The following KLRG1 variants were observed in gnomAD, a reference collection of about 807,000 sequenced individuals.
KLRG1 encodes killer cell lectin like receptor G1, also known as killer cell lectin-like receptor subfamily G member 1.
KLRG1 carries 16 observed loss-of-function variants against 21.8 expected under a neutral mutation model. That is an observed-to-expected ratio of 0.73 (90% CI 0.50 to 1.11). KLRG1 has a LOEUF of 1.11. Among genes scored for constraint, KLRG1 ranks in the 50% most tolerant of loss-of-function variants. KLRG1 has a pLI of 0.00. For synonymous variants in KLRG1, 69 were observed against 75.9 expected (o/e 0.91, Z 0.47); for missense variants, 173 against 218.3 (o/e 0.79, Z 1.31).
the KLRG1 span, chr12:9,090,293 A>G: frequency 1.2e-6 from 2 of 1,608,884 alleles, no homozygotes; most frequent in Non-Finnish European, 1.7e-6. Flanking sequence ...CACTCAATAT[A>G]AGGTTCCCAC....
At chr12:9,155,462 T>G in the KLRG1 span, among the ~76,000 whole-genome samples, 1 of 151,542 alleles carries the variant, frequency 6.6e-6, no homozygotes, top group African/African-American at 2.4e-5. Context: ...ATTAAAACTT[T>G]TGATTCTTGT....
At chr12:9,193,276 G>T in the KLRG1 span, among the ~76,000 whole-genome samples, 1 of 152,014 alleles carries the variant, frequency 6.6e-6, no homozygotes, top group Non-Finnish European at 1.5e-5. Context: ...TATTTCCCTT[G>T]TGGTAACTGC....
Position 8,995,275 on chromosome 12 carries a change from A to G in KLRG1, c.344A>G (p.Asp115Gly), listed in dbSNP as rs1171661852. 3 of 1,607,452 alleles carry G rather than the reference A, an allele frequency of 1.9e-6. No homozygotes were observed. The highest frequency in any genetic ancestry group is 2.5e-6 in the Non-Finnish European group (3 of 1,178,362). Residue 115 changes from aspartate to glycine, a missense_variant, in exon 3 of 5, where the codon GAC becomes GGC. By Grantham distance (94) the Asp-to-Gly change is moderately conservative. Around this residue, in one of 3 missense-constraint regions of KLRG1, gnomAD observed 144 missense variants for 161.5 expected, o/e 0.89. Coordinates refer to ENST00000356986, the MANE Select transcript of KLRG1 (RefSeq NM_005810.4). ...ARDSHLLVIT[D>G]NQEMSLLQVF... is the part of the protein sequence containing the mutation. ...GACTCACACCTCCTTGTGATAACGG[A>G]CAATCAGGAAATGGTAAATGCAAAC...
chr12:8,970,951 G>T (rs946276182), intron 1 of KLRG1: 2 of 152,042 alleles, frequency 1.3e-5, no homozygotes, highest in African/African-American at 4.8e-5. Flanking sequence ...GTACATTTCT[G>T]GGATAAACTG....
chr12:9,188,916 T>C, the KLRG1 span, among the ~76,000 whole-genome samples: 1 of 151,972 alleles, frequency 6.6e-6, no homozygotes, highest in South Asian at 2.1e-4. Flanking sequence ...TGCTCATAGA[T>C]AGGAAGAATC....
At chr12:9,116,037 A>G in the KLRG1 span, 4 of 636,960 alleles carry the variant, frequency 6.3e-6, no homozygotes, top group South Asian at 4.7e-5. Flanking sequence ...AAGGTCATTG[A>G]TGGCCTATTT....
At chr12:9,171,153 C>T in the KLRG1 span, among the ~76,000 whole-genome samples, 1 of 152,220 alleles carries the variant, frequency 6.6e-6, no homozygotes, top group Admixed American at 6.5e-5. Flanking sequence ...AAGGCACAGG[C>T]TGCCATCTTT....
the KLRG1 span, among the ~76,000 whole-genome samples, chr12:9,163,509 T>C: frequency 6.6e-6 from 1 of 152,020 alleles, no homozygotes; most frequent in Non-Finnish European, 1.5e-5. Flanking sequence ...TTACAATAGC[T>C]GGCAATGTTG....
chr12:9,099,307 A>C, the KLRG1 span: 1 of 1,426,606 alleles, frequency 7.0e-7, no homozygotes. Context: ...TAATGTTCAC[A>C]TGTGTAAAAC....
At chr12:9,111,918 A>G in the KLRG1 span, 8 of 633,468 alleles carry the variant, frequency 1.3e-5, no homozygotes, top group Non-Finnish European at 2.4e-5. Context: ...ATTAAGAACC[A>G]TCCGAAAAGT....
chr12:9,076,539 C>T, the KLRG1 span, among the ~76,000 whole-genome samples: 6 of 152,166 alleles, frequency 3.9e-5, no homozygotes, highest in African/African-American at 1.2e-4. Flanking sequence ...ATAACCCCAT[C>T]GTAATTGAGA....
the KLRG1 span, chr12:9,163,842 CT>C: frequency 6.4e-7 from 1 of 1,566,514 alleles, no homozygotes; most frequent in Non-Finnish European, 8.6e-7. Flanking sequence ...GTCCAATCAC[CT>C]TTAAGGGCTG....
chr12:8,958,986 A>T (rs960848990), intron 1 of KLRG1, among the ~76,000 whole-genome samples: 8 of 152,226 alleles, frequency 5.3e-5, no homozygotes, highest in Admixed American at 2.0e-4. Flanking sequence ...TTGCAGAACT[A>T]TAAGTAATGA....
At chr12:9,153,145 C>T in the KLRG1 span, 2 of 1,614,002 alleles carry the variant, frequency 1.2e-6, no homozygotes, top group Admixed American at 3.3e-5. Context: ...ACACATCTTT[C>T]CCCAGTTACT....
chr12:9,120,886 T>TGTGTGTGTGTG, the KLRG1 span, among the ~76,000 whole-genome samples: 7 of 147,946 alleles, frequency 4.7e-5, no homozygotes, highest in African/African-American at 7.5e-5. Flanking sequence ...TGTGTGTGTA[T>TGTGTGTGTGTG]TTTTTTTTTT....
the KLRG1 span, among the ~76,000 whole-genome samples, chr12:9,045,908 A>G: frequency 3.9e-5 from 6 of 152,242 alleles, no homozygotes; most frequent in Non-Finnish European, 7.3e-5. Context: ...GCTGAAAGCC[A>G]TTATCCTCAG....
the KLRG1 span, among the ~76,000 whole-genome samples, chr12:9,088,791 A>C: frequency 6.6e-6 from 1 of 152,248 alleles, no homozygotes; most frequent in Non-Finnish European, 1.5e-5. Context: ...CCTTTGGGAA[A>C]TAGCAATCCC....
At chr12:9,205,634 A>G in the KLRG1 span, among the ~76,000 whole-genome samples, 3 of 152,242 alleles carry the variant, frequency 2.0e-5, no homozygotes, top group African/African-American at 7.2e-5. Context: ...TCAGTGATTC[A>G]TGATTCAATA....
the KLRG1 span, among the ~76,000 whole-genome samples, chr12:9,189,533 C>T: frequency 6.6e-6 from 1 of 152,090 alleles, no homozygotes; most frequent in Non-Finnish European, 1.5e-5. Flanking sequence ...AAAAAGTATA[C>T]AAACTCTGGA....
Sources: allele counts gnomAD v4.1 joint callset (sites outside exome capture counted in the v4.1 genomes callset), GRCh38; gene constraint gnomAD v4.1.1; regional missense constraint gnomAD v4.1.1; transcripts MANE v1.5; gene names NCBI Gene and HGNC (gene_info 2026-07-23, HGNC 2026-07-21).